The following CAMSAP2 variants were observed in gnomAD, a reference collection of about 807,000 sequenced individuals.
CAMSAP2 encodes calmodulin-regulated spectrin-associated protein 2.
In CAMSAP2, 26 loss-of-function variants were observed where a neutral mutation model predicts 146.1. That is an observed-to-expected ratio of 0.18 (90% confidence interval 0.13 to 0.25). The LOEUF (loss-of-function observed/expected upper bound fraction) is 0.25, where lower values mean the gene tolerates loss of function less well. Ranked by LOEUF, CAMSAP2 falls within the 10% of genes least tolerant of loss-of-function variation. The probability of loss-of-function intolerance (pLI) is 1.00; values close to 1 mark genes in which losing one functional copy is unlikely to be tolerated. For synonymous variants in CAMSAP2, 499 were observed against 596.6 expected, an observed-to-expected ratio of 0.84 and a Z score of 2.38; for missense variants, 1,381 against 1,759.3, an observed-to-expected ratio of 0.78 and a Z score of 3.85.
intron 1 of CAMSAP2, among the ~76,000 whole-genome samples, chr1:200,750,332 G>T (rs895653605): frequency 2.6e-5 from 4 of 152,108 alleles, no homozygotes; most frequent in African/African-American, 9.7e-5. Flanking sequence ...GACTTGTTCG[G>T]CTCGATGGAT....
In CAMSAP2 at chr1:200,856,048, G is replaced by T; in HGVS notation, c.3935G>T (p.Cys1312Phe). 1 of 1,613,898 alleles carries T rather than the reference G, an allele frequency of 6.2e-7. No homozygotes were observed. Among genetic ancestry groups the T allele is most frequent in the Non-Finnish European group, 8.5e-7 (1 of 1,179,832 alleles). ...GAAGGCTTCTTATCTCCAAGTCGTT[G>T]TGGCAGTCGAAATGGAGAAAAAGAC... ...SVEGFLSPSR[C>F]GSRNGEKDWE... is the part of the protein sequence containing the mutation. Residue 1312 changes from cysteine to phenylalanine, a missense_variant, in exon 15 of 17, where the codon TGT becomes TTT. Transcript: ENST00000358823.
chr1:200,761,817 A>G (rs1664811125), intron 2 of CAMSAP2, among the ~76,000 whole-genome samples: 1 of 151,986 alleles, frequency 6.6e-6, no homozygotes, highest in South Asian at 2.1e-4. Context: ...CGTTTATTTG[A>G]TAGCTTTGAA....
chr1:200,761,143 A>T, intron 2 of CAMSAP2, 45 bp downstream of exon 2: 1 of 1,555,192 alleles, frequency 6.4e-7, no homozygotes, highest in South Asian at 1.1e-5. Context: ...TGAAGTGTGT[A>T]CTTTTGAGTG....
intron 2 of CAMSAP2, among the ~76,000 whole-genome samples, chr1:200,774,290 A>G (rs1323262645): frequency 2.0e-5 from 3 of 151,114 alleles, no homozygotes; most frequent in African/African-American, 7.3e-5. Flanking sequence ...TAACTGCATA[A>G]ATGAGCTTCT....
At chr1:200,795,018 G>A (rs1310660851) in intron 2 of CAMSAP2, among the ~76,000 whole-genome samples, 1 of 152,174 alleles carries the variant, frequency 6.6e-6, no homozygotes, top group Non-Finnish European at 1.5e-5. Flanking sequence ...GAGAAGTTAA[G>A]GAATTTGCCA....
In CAMSAP2 at chr1:200,857,981, T is replaced by G. The variant is rs779714872; in HGVS notation, c.4359T>G (p.Asp1453Glu). 1 of 1,613,778 alleles carries G rather than the reference T, an allele frequency of 6.2e-7. No individual in the cohort carries two copies. Among genetic ancestry groups the G allele is most frequent in the South Asian group, 1.1e-5 (1 of 91,034 alleles). Residue 1453 changes from aspartate (D) to glutamate (E), a missense_variant, in exon 17 of 17, where the codon GAT (aspartate) becomes GAG (glutamate). By Grantham distance (45) the Asp-to-Glu change is conservative. This residue lies in a region of CAMSAP2 where 90 missense variants were observed against 174.4 expected (regional missense o/e 0.52). Transcript: ENST00000358823. The surrounding 1 kb of genome is among the most constrained non-coding windows in gnomAD (Gnocchi z 4.7). The part of the protein sequence containing the change: ...IPAKTLSASV[D>E]AITIHSHLWQ... ...CTAAAACTTTATCTGCCAGTGTTGA[T>G]GCAATTACCATTCATAGCCATTTAT...
chr1:200,790,191 C>T (rs1387204703), intron 2 of CAMSAP2, among the ~76,000 whole-genome samples: 1 of 152,098 alleles, frequency 6.6e-6, no homozygotes, highest in Admixed American at 6.5e-5. Context: ...TTGAATGTTT[C>T]CCTCTCCCAG....
chr1:200,811,797 C>T (rs1361685260), intron 3 of CAMSAP2, among the ~76,000 whole-genome samples: 3 of 152,150 alleles, frequency 2.0e-5, no homozygotes, highest in Non-Finnish European at 2.9e-5. Flanking sequence ...TAAAATTTAT[C>T]GTGGCCTGCA....
At chr1:200,776,401 A>T (rs1163206567) in intron 2 of CAMSAP2, among the ~76,000 whole-genome samples, 4 of 152,240 alleles carry the variant, frequency 2.6e-5, no homozygotes, top group African/African-American at 9.6e-5. Flanking sequence ...ATTGGCCTAG[A>T]ACCAAGTGTA....
chr1:200,819,606 C>T (rs1408937166), intron 4 of CAMSAP2, among the ~76,000 whole-genome samples: 3 of 151,944 alleles, frequency 2.0e-5, no homozygotes, highest in Admixed American at 2.0e-4. Flanking sequence ...AGGCACTTGA[C>T]CTCTCTGGGC....
At chr1:200,843,096 T>C in intron 7 of CAMSAP2, among the ~76,000 whole-genome samples, 1 of 152,140 alleles carries the variant, frequency 6.6e-6, no homozygotes, top group East Asian at 1.9e-4. Context: ...GAAACATTTC[T>C]GTCTGCTACC....
Position 200,832,446 on chromosome 1 carries a change from C to A in CAMSAP2, c.787+105C>A. 9.2e-7 allele frequency: 1 copy of A among 1,092,240 alleles called. No individual in the cohort carries two copies. The highest frequency in any genetic ancestry group is 1.6e-5 in the African/African-American group (1 of 61,410). The allele number at this position is 1,092,240 out of a possible 1,614,324, so 67.7% of individuals were successfully genotyped here. Reference sequence around the variant, plus strand: ...CCTAGGTGACTGAGTGGGACCCTGTCTCAAAAAAAAGACAATATTATTTAA... The same window carrying A: ...CCTAGGTGACTGAGTGGGACCCTGTATCAAAAAAAAGACAATATTATTTAA... On this transcript the variant is annotated intron_variant, in intron 5 of 16. Transcript: ENST00000358823. The surrounding 1 kb of genome is among the most constrained non-coding windows in gnomAD (Gnocchi z 4.2).
At chr1:200,841,222 G>T (rs34833011) in intron 6 of CAMSAP2, among the ~76,000 whole-genome samples, 11,632 of 152,208 alleles carry the variant, frequency 0.076, 620 homozygotes, top group South Asian at 0.21. Context: ...TATTACTGGT[G>T]AGTTTAACAT....
Position 200,815,553 on chromosome 1 carries a change from A to G in CAMSAP2, c.562-8A>G, listed in dbSNP as rs772627438. On this transcript the variant is annotated splice_polypyrimidine_tract_variant and splice_region_variant and intron_variant, in intron 3 of 16. Coordinates refer to ENST00000358823, the MANE Select transcript of CAMSAP2 (RefSeq NM_203459.4). ...TAAAAATTCAAACTGATATTTTTAT[A>G]TTTTAAGGTAAATGAACATTTGAAA... The G allele has an allele frequency of 7.1e-7, 1 of 1,417,676 alleles. No homozygotes were observed. Among genetic ancestry groups the G allele is most frequent in the Admixed American group, 2.2e-5 (1 of 44,526 alleles). 87.8% of individuals were successfully genotyped at this position (1,417,676 alleles called of 1,614,324 possible).
intron 2 of CAMSAP2, among the ~76,000 whole-genome samples, chr1:200,775,987 C>CA (rs559487129): frequency 0.04 from 5,512 of 139,298 alleles, 299 homozygotes; most frequent in African/African-American, 0.12. Flanking sequence ...TCTTTAAAAA[C>CA]AAAAAAAAAA....
intron 2 of CAMSAP2, among the ~76,000 whole-genome samples, chr1:200,806,787 A>ATCTG (rs1392572131): frequency 6.6e-6 from 1 of 150,880 alleles, no homozygotes; most frequent in African/African-American, 2.4e-5. Flanking sequence ...CTATCTATCT[A>ATCTG]TCTATCTATC....
chr1:200,770,237 C>T (rs969732390), intron 2 of CAMSAP2, among the ~76,000 whole-genome samples: 1 of 151,912 alleles, frequency 6.6e-6, no homozygotes, highest in African/African-American at 2.4e-5. Flanking sequence ...TAGGTGGTGC[C>T]CTATTGATGA....
chr1:200,845,590 A>T (rs1667440737), intron 8 of CAMSAP2, among the ~76,000 whole-genome samples: 1 of 152,124 alleles, frequency 6.6e-6, no homozygotes, highest in Admixed American at 6.6e-5. Flanking sequence ...TCCTCCTTGG[A>T]TGGGATTTTT....
chr1:200,832,858 A>C lies in CAMSAP2; in HGVS notation c.927+13A>C. ...TTCATCCATAAAGGTAAATTAAATT[A>C]TTCTTTTTTTCCCTTTGCTTTGTTA... On this transcript the variant is annotated intron_variant, in intron 6 of 16. Coordinates refer to ENST00000358823, the MANE Select transcript of CAMSAP2 (RefSeq NM_203459.4). The surrounding 1 kb of genome is among the most constrained non-coding windows in gnomAD (Gnocchi z 4.2). 1 of 1,548,368 alleles carries C rather than the reference A, an allele frequency of 6.5e-7. No individual in the cohort carries two copies. The highest frequency in any genetic ancestry group is 2.2e-5 in the Admixed American group (1 of 46,470).
Sources: allele counts gnomAD v4.1 joint callset (sites outside exome capture counted in the v4.1 genomes callset), GRCh38; gene constraint gnomAD v4.1.1; regional missense constraint gnomAD v4.1.1; non-coding constraint Gnocchi (gnomAD v3.1); transcripts MANE v1.5; gene names NCBI Gene and HGNC (gene_info 2026-07-23, HGNC 2026-07-21).